Variants in RAP1GAP2 observed in about 807,000 individuals in gnomAD.
RAP1GAP2 encodes RAP1 GTPase activating protein 2, also known as rap1 GTPase-activating protein 2.
Under a neutral mutation model 95.0 loss-of-function variants are expected in RAP1GAP2, and 27 were observed. That is an observed-to-expected ratio of 0.28 (90% CI 0.21 to 0.39). RAP1GAP2 has a LOEUF of 0.39. Among genes scored for constraint, RAP1GAP2 ranks in the 10% least tolerant of loss-of-function variants. RAP1GAP2 has a pLI of 1.00. For synonymous variants in RAP1GAP2, 373 were observed against 380.9 expected (o/e 0.98, Z 0.24); for missense variants, 771 against 970.0 (o/e 0.79, Z 2.72).
intron 4 of RAP1GAP2, among the ~76,000 whole-genome samples, chr17:2,961,604 T>G (rs1210121976): frequency 2.0e-5 from 3 of 152,226 alleles, no homozygotes; most frequent in African/African-American, 7.2e-5. Flanking sequence ...ATAAACTCCC[T>G]TAGTCCAGTC....
chr17:2,866,228 A>G lies in RAP1GAP2; in HGVS notation c.81-39056A>G, dbSNP rs60200459. ...AGTGGAAGACAAGGGGCCAAGATAA[A>G]AAAACAGGGGCCCGCTCAGATCCCA... On this transcript the variant is annotated intron_variant, in intron 2 of 24. Transcript: ENST00000254695. The surrounding 1 kb of genome is among the most constrained non-coding windows in gnomAD (Gnocchi z 4.0). Among the ~76,000 whole-genome samples the G allele has an allele frequency of 7.2e-4, 109 of 152,348 alleles. No individual in the cohort carries two copies. The highest frequency in any genetic ancestry group is 2.5e-3 in the African/African-American group (104 of 41,572).
intron 17 of RAP1GAP2, among the ~76,000 whole-genome samples, chr17:3,012,703 G>A (rs1255701738): frequency 6.6e-6 from 1 of 151,174 alleles, no homozygotes; most frequent in Non-Finnish European, 1.5e-5. Context: ...AAGGCCTGAA[G>A]TCAGCACTGC....
intron 1 of RAP1GAP2, among the ~76,000 whole-genome samples, chr17:2,789,259 A>G (rs2068863181): frequency 6.6e-6 from 1 of 151,806 alleles, no homozygotes; most frequent in Non-Finnish European, 1.5e-5. Context: ...TGTTGCCCAC[A>G]CTGGTCTCGA....
chr17:2,982,221 C>A (rs745904240), intron 10 of RAP1GAP2, among the ~76,000 whole-genome samples: 2 of 152,222 alleles, frequency 1.3e-5, no homozygotes, highest in Admixed American at 1.3e-4. Flanking sequence ...CTCACTGCAA[C>A]CTGCACCTCC....
chr17:2,761,403 C>T (rs567272197), intron 1 of RAP1GAP2, among the ~76,000 whole-genome samples: 3 of 151,814 alleles, frequency 2.0e-5, no homozygotes, highest in Non-Finnish European at 4.4e-5. Context: ...ATTCTCTTGC[C>T]TCAGCCTCCC....
rs1463590051 is a variant in RAP1GAP2, at chr17:2,827,399, T to C, written c.80+26849T>C. The stretch of plus-strand genomic sequence containing the variant: ...AACAGAATGAAGAACGCAGATGGTT[T>C]CAGACAGTGCCCAGTCCTGCGAAGG... On this transcript the variant is annotated intron_variant, in intron 2 of 24. Transcript: ENST00000254695. The surrounding 1 kb of genome is among the most constrained non-coding windows in gnomAD (Gnocchi z 4.1). Among the ~76,000 whole-genome samples, 2 of 151,020 alleles carry C rather than the reference T, an allele frequency of 1.3e-5. No homozygotes were observed. The highest frequency in any genetic ancestry group is 3.9e-4 in the East Asian group (2 of 5,074).
At chr17:2,834,024 G>A (rs1191690010) in intron 2 of RAP1GAP2, among the ~76,000 whole-genome samples, 2 of 152,138 alleles carry the variant, frequency 1.3e-5, no homozygotes, top group East Asian at 3.8e-4. Context: ...AAGTCAGGTG[G>A]ACTCTCGGCC....
chr17:2,883,672 G>C (rs1471054281), intron 2 of RAP1GAP2, among the ~76,000 whole-genome samples: 1 of 152,156 alleles, frequency 6.6e-6, no homozygotes, highest in African/African-American at 2.4e-5. Context: ...GGCCTAGAGT[G>C]GGGTAAAGCT....
At chr17:2,826,678 C>T (rs1177473200) in intron 2 of RAP1GAP2, among the ~76,000 whole-genome samples, 2 of 152,016 alleles carry the variant, frequency 1.3e-5, no homozygotes, top group African/African-American at 4.8e-5. Flanking sequence ...GAAGGTGAAT[C>T]CTGAGCCCAG....
intron 1 of RAP1GAP2, among the ~76,000 whole-genome samples, chr17:2,782,993 G>C (rs1317798694): frequency 6.6e-6 from 1 of 152,168 alleles, no homozygotes; most frequent in Non-Finnish European, 1.5e-5. Context: ...CTCCAGCCTG[G>C]GTGACAGAGT....
chr17:2,813,016 C>T (rs1347989440), intron 2 of RAP1GAP2, among the ~76,000 whole-genome samples: 1 of 151,444 alleles, frequency 6.6e-6, no homozygotes, highest in African/African-American at 2.4e-5. Context: ...TTCTGATGCC[C>T]AGGTTGTACC....
intron 1 of RAP1GAP2, among the ~76,000 whole-genome samples, chr17:2,758,751 G>A (rs4790093): frequency 0.24 from 35,720 of 151,920 alleles, 4,367 homozygotes; most frequent in East Asian, 0.4. Flanking sequence ...TGTAGAAATC[G>A]ACTCAAACTA....
chr17:2,984,477 A>G (rs1346085149), intron 10 of RAP1GAP2, among the ~76,000 whole-genome samples: 2 of 152,222 alleles, frequency 1.3e-5, no homozygotes, highest in Non-Finnish European at 2.9e-5. Context: ...TCCTCTTTGC[A>G]TATTGTATTA....
At chr17:2,995,880 G>C (rs868838295) in intron 13 of RAP1GAP2, among the ~76,000 whole-genome samples, 16 of 152,196 alleles carry the variant, frequency 1.1e-4, no homozygotes, top group African/African-American at 3.4e-4. Context: ...TTGCAGATGG[G>C]GGCCTGAAGC....
In RAP1GAP2 at chr17:2,879,737, AAAG is replaced by A. The variant is rs1277138961; in HGVS notation, c.81-25544_81-25542del. Among the ~76,000 whole-genome samples the A allele has an allele frequency of 2.2e-4, 33 of 151,314 alleles. No individual in the cohort carries two copies. The East Asian group carries it at 6.0e-3, about 28-fold the overall frequency. On this transcript the variant is annotated intron_variant, in intron 2 of 24. Coordinates refer to ENST00000254695, the MANE Select transcript of RAP1GAP2 (RefSeq NM_015085.5). ...CGAGACTCCATCTCAAAAAAAAAAAAAAGAAAGTCCCTGCTTCCTGTTGGGTCC... is the reference window on the plus strand; with the variant it reads ...CGAGACTCCATCTCAAAAAAAAAAAAAAAGTCCCTGCTTCCTGTTGGGTCC...
At chr17:2,868,445 G>A (rs951930420) in intron 2 of RAP1GAP2, among the ~76,000 whole-genome samples, 8 of 152,082 alleles carry the variant, frequency 5.3e-5, no homozygotes, top group African/African-American at 1.9e-4. Context: ...TGTGAAATGC[G>A]ACTAAGACTA....
chr17:2,908,013 G>A (rs2042256762), intron 3 of RAP1GAP2, among the ~76,000 whole-genome samples: 1 of 151,798 alleles, frequency 6.6e-6, no homozygotes, highest in South Asian at 2.1e-4. Context: ...CACCATGTTG[G>A]CCAGGCTGGT....
chr17:2,882,122 T>C (rs1285986546), intron 2 of RAP1GAP2, among the ~76,000 whole-genome samples: 3 of 148,814 alleles, frequency 2.0e-5, no homozygotes, highest in Non-Finnish European at 3.0e-5. Flanking sequence ...GCCTGGCCTT[T>C]TTTTTTTTTT....
intron 3 of RAP1GAP2, among the ~76,000 whole-genome samples, chr17:2,927,643 T>G (rs2043013443): frequency 6.6e-6 from 1 of 152,100 alleles, no homozygotes; most frequent in African/African-American, 2.4e-5. Flanking sequence ...TTCCCAGGTT[T>G]TGGGGATTGG....
Sources: allele counts gnomAD v4.1 joint callset (sites outside exome capture counted in the v4.1 genomes callset), GRCh38; gene constraint gnomAD v4.1.1; non-coding constraint Gnocchi (gnomAD v3.1); transcripts MANE v1.5; gene names NCBI Gene and HGNC (gene_info 2026-07-23, HGNC 2026-07-21).